Variants in HIF3A observed in about 807,000 individuals in gnomAD.
HIF3A encodes hypoxia-inducible factor 3-alpha.
In HIF3A, 41 loss-of-function variants were observed where a neutral mutation model predicts 67.2. The ratio of observed to expected loss-of-function variants is 0.61; its 90% CI spans 0.48 to 0.79. The LOEUF is 0.79. Among genes scored for constraint, HIF3A ranks in the 30% least tolerant of loss-of-function variants. The pLI is 0.00. For missense variants in HIF3A, 855 were observed against 898.0 expected (o/e 0.95, Z 0.61); for synonymous variants, 356 against 374.8 (o/e 0.95, Z 0.58).
Position 46,316,142 on chromosome 19 carries a change from A to C in HIF3A, c.1025+3489A>C, listed in dbSNP as rs143279089. ...GCTACTCAGGAGGCTGAGGCAGGAG[A>C]ATCACTTGAACCTGGGAGGCAGAGG... is the stretch of plus-strand genomic sequence containing the variant. On this transcript the variant is annotated intron_variant, in intron 8 of 14. Transcript: ENST00000377670. Among the ~76,000 whole-genome samples the C allele has an allele frequency of 7.7e-3, 1,164 of 151,960 alleles. 20 individuals carry two copies. Among genetic ancestry groups the C allele is most frequent in the African/African-American group, 0.025 (1,045 of 41,422 alleles).
intron 6 of HIF3A, among the ~76,000 whole-genome samples, chr19:46,309,796 T>TGC (rs1334786640): frequency 6.6e-6 from 1 of 152,050 alleles, no homozygotes; most frequent in Admixed American, 6.6e-5. Flanking sequence ...ATTCAATAAA[T>TGC]TGTCGATAGG....
In HIF3A at chr19:46,331,165, C is replaced by A. The variant is rs1307997559; in HGVS notation, c.1722C>A (p.Ala574=). 6.2e-7 allele frequency: 1 copy of A among 1,612,512 alleles called. No individual in the cohort carries two copies. The highest frequency in any genetic ancestry group is 1.7e-5 in the Admixed American group (1 of 59,918). The change falls in exon 13 of 15, where the codon GCC becomes GCA. Residue 574 remains alanine (A), a synonymous_variant. Coordinates refer to ENST00000377670, the MANE Select transcript of HIF3A (RefSeq NM_152795.4). ...GCCTGTTTTCCTCCAGGACCCTGGC[C>A]CAGAGCTCAGAGGACGAGGACGAGG... ...PMAGARKRTL[A]QSSEDEDEGV...
At chr19:46,306,150 A>T (rs949068751) in intron 3 of HIF3A, among the ~76,000 whole-genome samples, 1 of 152,228 alleles carries the variant, frequency 6.6e-6, no homozygotes, top group African/African-American at 2.4e-5. Flanking sequence ...AAGCTGAGAG[A>T]CAAAAGGCTA....
At chr19:46,314,111 G>A (rs548519807) in intron 8 of HIF3A, among the ~76,000 whole-genome samples, 1 of 151,424 alleles carries the variant, frequency 6.6e-6, no homozygotes, top group African/African-American at 2.4e-5. Context: ...AACAGCTACT[G>A]TAAACATTCT....
rs751648961 is a variant in HIF3A at position 46,321,900 on chromosome 19, T to C, written c.1269T>C (p.Asp423=). ...DLRRLLGPIL[D]GASVAATPST... Reference sequence around the variant, plus strand: ...GTCGCCTCCTGGGACCCATCCTGGATGGGGCTTCAGTAGCAGCCACTCCCA... The same window carrying C: ...GTCGCCTCCTGGGACCCATCCTGGACGGGGCTTCAGTAGCAGCCACTCCCA... The change falls in exon 10 of 15, where the codon GAT becomes GAC. Residue 423 remains aspartate (D), a synonymous_variant. Transcript: ENST00000377670. 17 of 1,613,908 alleles carry C rather than the reference T, an allele frequency of 1.1e-5. No homozygotes were observed. Among genetic ancestry groups the C allele is most frequent in the Non-Finnish European group, 1.4e-5 (16 of 1,180,012 alleles).
rs1460628998 is a variant in HIF3A at position 46,305,616 on chromosome 19, T to G, written c.363+226T>G. ...GTACCTGACCCAGCCTGAGTGGGAA[T>G]GGAGGGCTTCCTGGAGGAGAAGATA... On this transcript the variant is annotated intron_variant, in intron 3 of 14. Coordinates refer to ENST00000377670, the MANE Select transcript of HIF3A (RefSeq NM_152795.4). 4.6e-5 allele frequency among the ~76,000 whole-genome samples: 7 copies of G among 152,142 alleles called. 1 individual carries two copies. In the South Asian group the frequency reaches 6.2e-4, roughly 14 times the overall value.
chr19:46,316,003 G>C (rs756975932), intron 8 of HIF3A, among the ~76,000 whole-genome samples: 9 of 152,090 alleles, frequency 5.9e-5, no homozygotes, highest in Non-Finnish European at 1.2e-4. Context: ...GTCCAAGGTG[G>C]GTGGATCACC....
At chr19:46,328,619 C>A (rs1213864806) in intron 11 of HIF3A, among the ~76,000 whole-genome samples, 1 of 152,216 alleles carries the variant, frequency 6.6e-6, no homozygotes, top group Non-Finnish European at 1.5e-5. Context: ...GACAAAAATT[C>A]TCTTTCCTCT....
rs769542158 is a variant in HIF3A at position 46,329,333 on chromosome 19, CG to C, written c.1568del (p.Arg523LeufsTer27). 1 of 1,613,280 alleles carries C rather than the reference CG, an allele frequency of 6.2e-7. No homozygotes were observed. The highest frequency in any genetic ancestry group is 2.2e-5 in the East Asian group (1 of 44,860). ...HRPLGAVPRP[R>X]ARSFHGLSPP... ...ACCTCTGGGGGCTGTCCCCCGGCCC[CG>C]TGCTCGGAGCTTCCATGGCCTGTCA... On this transcript the variant is annotated frameshift_variant, in exon 12 of 15. Coordinates refer to ENST00000377670, the MANE Select transcript of HIF3A (RefSeq NM_152795.4). LOFTEE classifies it high-confidence loss of function.
intron 8 of HIF3A, 148 bp from the exon 9 acceptor site, chr19:46,320,295 T>C (rs1041359475): frequency 1.1e-5 from 7 of 654,420 alleles, no homozygotes; most frequent in Non-Finnish European, 1.6e-5. Context: ...AGGAGACAAA[T>C]AAATGTGGGC....
At chr19:46,301,260 G>C (rs1434724523) in intron 1 of HIF3A, among the ~76,000 whole-genome samples, 2 of 152,084 alleles carry the variant, frequency 1.3e-5, no homozygotes, top group Non-Finnish European at 2.9e-5. Flanking sequence ...CCTTGCCCTG[G>C]GGGGTGGGGC....
intron 10 of HIF3A, among the ~76,000 whole-genome samples, chr19:46,322,532 G>A (rs903415377): frequency 4.6e-5 from 7 of 151,998 alleles, no homozygotes; most frequent in East Asian, 1.9e-4. Flanking sequence ...CTCCACCTCC[G>A]AGGTTCAAGC....
chr19:46,300,747 TCAGGATTGGAA>T (rs1968249535), intron 1 of HIF3A, among the ~76,000 whole-genome samples: 1 of 151,792 alleles, frequency 6.6e-6, no homozygotes, highest in African/African-American at 2.4e-5. Context: ...AGTAGTAGAG[TCAGGATTGGAA>T]CCCTGAGCCA....
chr19:46,334,317 C>T (rs1301018603), intron 13 of HIF3A, among the ~76,000 whole-genome samples: 1 of 151,776 alleles, frequency 6.6e-6, no homozygotes, highest in Non-Finnish European at 1.5e-5. Context: ...GTCTCGAACT[C>T]CTGACCTCGA....
intron 10 of HIF3A, 41 bp from the exon 11 acceptor site, chr19:46,325,494 G>C (rs1392103169): frequency 2.1e-6 from 3 of 1,431,416 alleles, no homozygotes; most frequent in African/African-American, 1.4e-5. Context: ...ATACCTCCCA[G>C]GCTCAAGATT....
chr19:46,321,976 C>A lies in HIF3A; in HGVS notation c.1335+10C>A. 1 of 1,612,870 alleles carries A rather than the reference C, an allele frequency of 6.2e-7. No individual in the cohort carries two copies. The highest frequency in any genetic ancestry group is 1.3e-5 in the African/African-American group (1 of 75,048). ...CCAAAGTCCTCTTTCGGTAAGCCAT[C>A]CCACCCATGTGAGCCCTCAGCATCC... On this transcript the variant is annotated intron_variant, in intron 10 of 14. Transcript: ENST00000377670.
At chr19:46,298,514 G>C in intron 1 of HIF3A, 1 of 1,275,766 alleles carries the variant, frequency 7.8e-7, no homozygotes. Flanking sequence ...CCTGGGCGAT[G>C]GTGAGTGGGC....
chr19:46,342,601 C>A lies in HIF3A; in HGVS notation c.*2979C>A, dbSNP rs1232569530. 5 of 152,214 alleles carry A rather than the reference C, an allele frequency of 3.3e-5. No homozygotes were observed. Among genetic ancestry groups the A allele is most frequent in the African/African-American group, 7.2e-5 (3 of 41,454 alleles). 9.4% of individuals were successfully genotyped at this position (152,214 alleles called of 1,614,324 possible). ...TGCTTCTAAGCCTCACAGCTTCCAA[C>A]TGCCTTTGATTTCAGATCCAAATTC... On this transcript the variant is annotated 3_prime_UTR_variant, in exon 15 of 15. Coordinates refer to ENST00000377670, the MANE Select transcript of HIF3A (RefSeq NM_152795.4).
intron 10 of HIF3A, 75 bp downstream of exon 10, chr19:46,322,041 AC>A: frequency 6.9e-7 from 1 of 1,444,538 alleles, no homozygotes; most frequent in Non-Finnish European, 9.5e-7. Flanking sequence ...TGTGACTTAA[AC>A]CTGACTGTTC....
Sources: gnomAD v4.1 joint callset for allele counts (sites outside exome capture counted in the v4.1 genomes callset) on GRCh38, gnomAD v4.1.1 for gene constraint, MANE v1.5 for transcripts, NCBI Gene and HGNC (gene_info 2026-07-23, HGNC 2026-07-21) for gene names.